TRABD2B: variants seen among roughly 807,000 people sequenced by gnomAD.
The protein encoded by TRABD2B is metalloprotease TIKI2.
In TRABD2B, 14 loss-of-function variants were observed where a neutral mutation model predicts 40.1. The ratio of observed to expected loss-of-function variants is 0.35; its 90% confidence interval spans 0.23 to 0.55. The LOEUF is 0.55. TRABD2B is among the 20% of genes least tolerant of loss of function. TRABD2B has a pLI of 0.90. For synonymous variants in TRABD2B, 263 were observed against 277.0 expected, an observed-to-expected ratio of 0.95 and a Z score of 0.50; for missense variants, 541 against 648.6, an observed-to-expected ratio of 0.83 and a Z score of 1.80.
intron 2 of TRABD2B, among the ~76,000 whole-genome samples, chr1:47,859,638 C>A (rs1193113890): frequency 6.6e-6 from 1 of 152,198 alleles, no homozygotes; most frequent in African/African-American, 2.4e-5. Flanking sequence ...GCCTTAGCTG[C>A]TGCTCATCGT....
intron 2 of TRABD2B, among the ~76,000 whole-genome samples, chr1:47,950,073 C>T (rs973256848): frequency 2.0e-5 from 3 of 152,074 alleles, no homozygotes; most frequent in Non-Finnish European, 4.4e-5. Flanking sequence ...ATCACGAGGT[C>T]AGGAGATCGA....
intron 2 of TRABD2B, among the ~76,000 whole-genome samples, chr1:47,984,257 C>T (rs1469541814): frequency 1.3e-5 from 2 of 152,268 alleles, no homozygotes; most frequent in Non-Finnish European, 2.9e-5. Flanking sequence ...CGCAGGAACG[C>T]CTCGCCCCGA....
Position 47,997,305 on chromosome 1 carries a change from G to T in TRABD2B, c.-516C>A. On this transcript the variant is annotated 5_prime_UTR_variant, in exon 1 of 7. Transcript: ENST00000606738. The stretch of plus-strand genomic sequence containing the variant: ...GGGCGACCGGCTGCCCCCGAGCCCG[G>T]CTCAGAGGGGCGGCGGGCGGCCGCG... The T allele has an allele frequency of 1.2e-6, 1 of 803,782 alleles. No homozygotes were observed. Among genetic ancestry groups the T allele is most frequent in the Non-Finnish European group, 1.5e-6 (1 of 666,868 alleles). 49.8% of individuals were successfully genotyped at this position (803,782 alleles called of 1,614,324 possible). A position where few individuals can be genotyped will look rare whatever the true frequency, so the allele number is the denominator to read the frequency against.
At chr1:47,798,556 T>C (rs770072190) in intron 3 of TRABD2B, among the ~76,000 whole-genome samples, 26 of 152,160 alleles carry the variant, frequency 1.7e-4, no homozygotes, top group Admixed American at 7.9e-4. Context: ...CCCTGGCCCC[T>C]TTCCCAGTGT....
At chr1:47,982,028 C>T (rs923723019) in intron 2 of TRABD2B, among the ~76,000 whole-genome samples, 4 of 152,232 alleles carry the variant, frequency 2.6e-5, no homozygotes, top group Non-Finnish European at 5.9e-5. Flanking sequence ...TGTGTCCCAA[C>T]TCCAGAGAGT....
intron 2 of TRABD2B, among the ~76,000 whole-genome samples, chr1:47,824,346 C>A (rs571419036): frequency 1.3e-5 from 2 of 152,292 alleles, no homozygotes; most frequent in South Asian, 2.1e-4. Flanking sequence ...GAGTTACCAG[C>A]GCCCCCTCAA....
chr1:47,978,536 C>T (rs1645793589), intron 2 of TRABD2B, among the ~76,000 whole-genome samples: 2 of 152,200 alleles, frequency 1.3e-5, no homozygotes, highest in South Asian at 4.1e-4. Context: ...ACCCGAATGA[C>T]TGGCTGGCAT....
chr1:47,858,577 C>T (rs910525062), intron 2 of TRABD2B, among the ~76,000 whole-genome samples: 1 of 152,198 alleles, frequency 6.6e-6, no homozygotes, highest in African/African-American at 2.4e-5. Flanking sequence ...TTCTTAATAG[C>T]CTTACAAAGT....
chr1:47,774,269 G>T (rs1468620626), intron 6 of TRABD2B, among the ~76,000 whole-genome samples: 2 of 152,194 alleles, frequency 1.3e-5, no homozygotes, highest in African/African-American at 4.8e-5. Flanking sequence ...CAGATGGAGA[G>T]TCTAAGGCTC....
At position 47,981,310 on chromosome 1, in the gene TRABD2B, G is replaced by A. The variant is rs143433856; in HGVS notation, c.666+12724C>T. ...ATTACAGGCATAAGCCACTGCACCC[G>A]GCCACATTCTCTCTTTTCCTTAGAT... is the stretch of plus-strand genomic sequence containing the variant. On this transcript the variant is annotated intron_variant, in intron 2 of 6. Transcript: ENST00000606738. Among the ~76,000 whole-genome samples, 263 of 152,174 alleles carry A rather than the reference G, an allele frequency of 1.7e-3. 1 individual carries two copies. Among genetic ancestry groups the A allele is most frequent in the African/African-American group, 6.1e-3 (254 of 41,540 alleles).
intron 2 of TRABD2B, among the ~76,000 whole-genome samples, chr1:47,963,919 GTGAAC>G (rs1645560014): frequency 2.0e-5 from 3 of 152,342 alleles, no homozygotes; most frequent in South Asian, 4.1e-4. Flanking sequence ...ATGTGAGCAA[GTGAAC>G]TTGGGCCAGG....
At chr1:47,959,967 A>T (rs1645486205) in intron 2 of TRABD2B, among the ~76,000 whole-genome samples, 1 of 152,222 alleles carries the variant, frequency 6.6e-6, no homozygotes, top group South Asian at 2.1e-4. Flanking sequence ...ATCCTCAATA[A>T]AATACTGGCA....
intron 4 of TRABD2B, among the ~76,000 whole-genome samples, chr1:47,788,378 T>C (rs945213961): frequency 2.6e-5 from 4 of 152,236 alleles, no homozygotes; most frequent in African/African-American, 9.6e-5. Context: ...TCTGCGGCAC[T>C]CTAGCTGGGG....
chr1:47,978,579 C>G (rs1027308797), intron 2 of TRABD2B, among the ~76,000 whole-genome samples: 1 of 152,194 alleles, frequency 6.6e-6, no homozygotes, highest in African/African-American at 2.4e-5. Context: ...TTTAGGTCAG[C>G]ACACACAGAG....
intron 2 of TRABD2B, among the ~76,000 whole-genome samples, chr1:47,983,217 A>C (rs1645866600): frequency 6.6e-6 from 1 of 152,192 alleles, no homozygotes. Context: ...ACCCTCAGCA[A>C]ACTAACACAG....
chr1:47,777,247 A>G (rs1644459952), intron 5 of TRABD2B, among the ~76,000 whole-genome samples: 1 of 152,188 alleles, frequency 6.6e-6, no homozygotes, highest in African/African-American at 2.4e-5. Flanking sequence ...GGAAACTTGA[A>G]GAAGGCTTTG....
intron 6 of TRABD2B, among the ~76,000 whole-genome samples, chr1:47,766,966 C>T (rs1231553906): frequency 6.6e-6 from 1 of 152,178 alleles, no homozygotes; most frequent in Non-Finnish European, 1.5e-5. Context: ...CTGAGCCCAG[C>T]ACACGGTGGC....
rs1444518182 is a variant in TRABD2B at position 47,997,064 on chromosome 1, T to A, written c.-275A>T. The A allele has an allele frequency of 2.0e-6, 2 of 982,328 alleles. No homozygotes were observed. The highest frequency in any genetic ancestry group is 2.4e-6 in the Non-Finnish European group (2 of 829,082). The allele number at this position is 982,328 out of a possible 1,614,324, so 60.9% of individuals were successfully genotyped here. A position where few individuals can be genotyped will look rare whatever the true frequency, so the allele number is the denominator to read the frequency against. On this transcript the variant is annotated 5_prime_UTR_variant, in exon 1 of 7. Transcript: ENST00000606738. Reference sequence around the variant, plus strand: ...CGAGCCCCCGGGTGCTGAGGGCGTGTTGGGGTCCGGGGGCGCGCGGGGTCC... The same window carrying A: ...CGAGCCCCCGGGTGCTGAGGGCGTGATGGGGTCCGGGGGCGCGCGGGGTCC...
chr1:47,830,877 A>G (rs1360642160), intron 2 of TRABD2B, among the ~76,000 whole-genome samples: 1 of 152,140 alleles, frequency 6.6e-6, no homozygotes, highest in Non-Finnish European at 1.5e-5. Context: ...TATATATCTC[A>G]GCTGAGCCCG....
Sources: allele counts gnomAD v4.1 joint callset (sites outside exome capture counted in the v4.1 genomes callset), GRCh38; gene constraint gnomAD v4.1.1; transcripts MANE v1.5; gene names NCBI Gene and HGNC (gene_info 2026-07-23, HGNC 2026-07-21).